The following IMMP2L variants were observed in gnomAD, a reference collection of about 807,000 sequenced individuals.
The protein encoded by IMMP2L is mitochondrial inner membrane protease subunit 2.
A neutral mutation model predicts 19.3 loss-of-function variants in IMMP2L; 18 were observed. The ratio of observed to expected loss-of-function variants is 0.93; its 90% confidence interval spans 0.64 to 1.38. The LOEUF is 1.38. IMMP2L is among the 40% of genes most tolerant of loss of function. The pLI is 0.00. For synonymous variants in IMMP2L, 76 were observed against 73.0 expected, an observed-to-expected ratio of 1.04 and a Z score of -0.21; for missense variants, 233 against 218.2, an observed-to-expected ratio of 1.07 and a Z score of -0.43.
intron 3 of IMMP2L, among the ~76,000 whole-genome samples, chr7:111,279,453 CAG>C (rs1819456954): frequency 6.6e-6 from 1 of 152,114 alleles, no homozygotes; most frequent in African/African-American, 2.4e-5. Context: ...GAGAAACAAA[CAG>C]AAAGACAGAG....
intron 3 of IMMP2L, among the ~76,000 whole-genome samples, chr7:111,129,248 G>T (rs1801616901): frequency 6.6e-6 from 1 of 151,858 alleles, no homozygotes; most frequent in African/African-American, 2.4e-5. Flanking sequence ...CAGTATCTTG[G>T]GCTTCATCAC....
rs941877258 is a variant in IMMP2L at position 111,381,018 on chromosome 7, GA to G, written c.239+106219del. On this transcript the variant is annotated intron_variant, in intron 3 of 5. Coordinates refer to ENST00000405709, the MANE Select transcript of IMMP2L (RefSeq NM_032549.4). ...TGAGCACCGTATTTAAAAATAAATA[GA>G]TCTGAGAATAAAGAAAACCATGTTT... is the stretch of plus-strand genomic sequence containing the variant. 3.3e-4 allele frequency among the ~76,000 whole-genome samples: 50 copies of G among 152,026 alleles called. 1 individual carries two copies. Among genetic ancestry groups the G allele is most frequent in the African/African-American group, 1.2e-3 (48 of 41,424 alleles).
intron 3 of IMMP2L, among the ~76,000 whole-genome samples, chr7:111,052,326 G>A (rs1336944111): frequency 6.6e-6 from 1 of 152,070 alleles, no homozygotes; most frequent in Non-Finnish European, 1.5e-5. Context: ...TATTCTCTTT[G>A]AAGCCTGCTA....
At chr7:111,558,732 A>G (rs1791667447) in intron 1 of IMMP2L, among the ~76,000 whole-genome samples, 1 of 152,198 alleles carries the variant, frequency 6.6e-6, no homozygotes, top group Admixed American at 6.5e-5. Context: ...AATATATAAT[A>G]AGCACACAAT....
intron 5 of IMMP2L, among the ~76,000 whole-genome samples, chr7:110,676,261 C>T (rs965799421): frequency 1.3e-5 from 2 of 152,234 alleles, no homozygotes; most frequent in Admixed American, 6.5e-5. Flanking sequence ...TTTAGGCTTA[C>T]AGGCCATATG....
intron 3 of IMMP2L, among the ~76,000 whole-genome samples, chr7:111,401,988 T>C (rs1734066543): frequency 6.6e-6 from 1 of 151,756 alleles, no homozygotes; most frequent in Admixed American, 6.6e-5. Context: ...CATGCATCTC[T>C]AGTCCCATCT....
chr7:110,783,187 G>T (rs1799856019), intron 5 of IMMP2L, among the ~76,000 whole-genome samples: 1 of 151,774 alleles, frequency 6.6e-6, no homozygotes, highest in South Asian at 2.1e-4. Context: ...GAAAATGATA[G>T]CATGCTAATA....
intron 3 of IMMP2L, among the ~76,000 whole-genome samples, chr7:111,010,068 A>G (rs1824773360): frequency 6.6e-6 from 1 of 152,180 alleles, no homozygotes; most frequent in Non-Finnish European, 1.5e-5. Flanking sequence ...ATATCAGCAT[A>G]TCTGCAAGTT....
chr7:110,844,432 G>A (rs1563018753), intron 5 of IMMP2L, among the ~76,000 whole-genome samples: 1 of 151,956 alleles, frequency 6.6e-6, no homozygotes. Flanking sequence ...TGGAGTCATA[G>A]AAGAGTTCAG....
At chr7:110,813,159 A>G (rs371159233) in intron 5 of IMMP2L, among the ~76,000 whole-genome samples, 2 of 152,176 alleles carry the variant, frequency 1.3e-5, no homozygotes, top group East Asian at 3.9e-4. Flanking sequence ...GAATGGAAAG[A>G]GGTACATGAA....
chr7:111,289,875 G>C (rs1820900478), intron 3 of IMMP2L, among the ~76,000 whole-genome samples: 1 of 151,802 alleles, frequency 6.6e-6, no homozygotes, highest in African/African-American at 2.4e-5. Flanking sequence ...TTTTGATGTT[G>C]ACACAGCTCC....
intron 4 of IMMP2L, among the ~76,000 whole-genome samples, chr7:110,888,968 A>G (rs1810505011): frequency 6.6e-6 from 1 of 152,224 alleles, no homozygotes; most frequent in Non-Finnish European, 1.5e-5. Context: ...AAATACTGCC[A>G]TAAAGGCAGA....
rs1313598091 is a variant in IMMP2L, at chr7:110,877,803, AGTG to A, written c.408+8787_408+8789del. 1.3e-5 allele frequency among the ~76,000 whole-genome samples: 2 copies of A among 152,178 alleles called. No individual in the cohort carries two copies. The highest frequency in any genetic ancestry group is 2.9e-5 in the Non-Finnish European group (2 of 68,024). ...AAGATCTGGCATTCAGCACTAGCAA[AGTG>A]TGACATTCTAACTCTGATTATTCAC... On this transcript the variant is annotated intron_variant, in intron 5 of 5. Coordinates refer to ENST00000405709, the MANE Select transcript of IMMP2L (RefSeq NM_032549.4). This position sits in a 1 kb window ranked among gnomAD's most constrained non-coding sequence, Gnocchi z 4.0.
intron 3 of IMMP2L, among the ~76,000 whole-genome samples, chr7:111,336,885 A>G (rs1826479019): frequency 6.6e-6 from 1 of 151,670 alleles, no homozygotes; most frequent in East Asian, 1.9e-4. Context: ...TTTATACTGA[A>G]TAAGGTAAAG....
intron 5 of IMMP2L, among the ~76,000 whole-genome samples, chr7:110,790,975 C>T (rs1025292051): frequency 6.6e-6 from 1 of 151,512 alleles, no homozygotes; most frequent in African/African-American, 2.4e-5. Context: ...TAACTGGGCA[C>T]CCTGAAAACT....
chr7:111,482,182 A>G (rs1432008001), intron 3 of IMMP2L, among the ~76,000 whole-genome samples: 2 of 152,238 alleles, frequency 1.3e-5, no homozygotes, highest in Non-Finnish European at 2.9e-5. Context: ...TATATTAGAC[A>G]GTACAGGCTT....
chr7:110,741,534 A>T lies in IMMP2L; in HGVS notation c.409-77813T>A, dbSNP rs544806214. Among the ~76,000 whole-genome samples, 5 of 152,334 alleles carry T rather than the reference A, an allele frequency of 3.3e-5. No individual in the cohort carries two copies. The East Asian group carries it at 7.7e-4, about 24-fold the overall frequency. The stretch of plus-strand genomic sequence containing the variant: ...TGAGGACACACAGCAAGAAGGCACC[A>T]TCTTTGGAGCAGAAAGCAAGCCCTC... On this transcript the variant is annotated intron_variant, in intron 5 of 5. Transcript: ENST00000405709.
At position 111,324,061 on chromosome 7, in the gene IMMP2L, C is replaced by T. The variant is rs1825052564; in HGVS notation, c.239+163177G>A. Among the ~76,000 whole-genome samples the T allele has an allele frequency of 4.6e-5, 7 of 151,916 alleles. No homozygotes were observed. The South Asian group carries it at 1.5e-3, about 32-fold the overall frequency. On this transcript the variant is annotated intron_variant, in intron 3 of 5. Coordinates refer to ENST00000405709, the MANE Select transcript of IMMP2L (RefSeq NM_032549.4). ...ATGTTAAATGATGAGTTAATGGGTGCAGAACACCAACATGGCACATGTATA... is the reference window on the plus strand; with the variant it reads ...ATGTTAAATGATGAGTTAATGGGTGTAGAACACCAACATGGCACATGTATA...
intron 3 of IMMP2L, among the ~76,000 whole-genome samples, chr7:111,473,098 T>C (rs567111869): frequency 1.3e-5 from 2 of 152,178 alleles, no homozygotes; most frequent in African/African-American, 4.8e-5. Context: ...TTATTAAAAA[T>C]AATAAAAATA....
Sources: gnomAD v4.1 joint callset for allele counts (sites outside exome capture counted in the v4.1 genomes callset) on GRCh38, gnomAD v4.1.1 for gene constraint, Gnocchi (gnomAD v3.1) non-coding constraint, MANE v1.5 for transcripts, NCBI Gene and HGNC (gene_info 2026-07-23, HGNC 2026-07-21) for gene names.